Variants in GRIA1 observed in about 807,000 individuals in gnomAD.
GRIA1 encodes glutamate ionotropic receptor AMPA type subunit 1, also known as glutamate receptor 1.
Under a neutral mutation model 99.2 loss-of-function variants are expected in GRIA1, and 31 were observed. That is an observed-to-expected ratio of 0.31 (90% confidence interval 0.23 to 0.42). The LOEUF (loss-of-function observed/expected upper bound fraction) is 0.42. GRIA1 is among the 10% of genes least tolerant of loss of function. The pLI is 1.00. For synonymous variants in GRIA1, 438 were observed against 432.4 expected, an observed-to-expected ratio of 1.01 and a Z score of -0.16; for missense variants, 782 against 1,157.5, an observed-to-expected ratio of 0.68 and a Z score of 4.71.
chr5:153,723,680 A>G (rs1354732134), intron 11 of GRIA1, among the ~76,000 whole-genome samples: 2 of 152,152 alleles, frequency 1.3e-5, no homozygotes, highest in Non-Finnish European at 2.9e-5. Context: ...AGGCGGCAGC[A>G]AGGCTGGGGG....
chr5:153,576,351 A>G (rs573789818), intron 2 of GRIA1, among the ~76,000 whole-genome samples: 1 of 152,314 alleles, frequency 6.6e-6, no homozygotes, highest in African/African-American at 2.4e-5. Flanking sequence ...GAAGAATAGG[A>G]TGTATTTTGA....
intron 2 of GRIA1, among the ~76,000 whole-genome samples, chr5:153,619,419 T>C (rs1324516225): frequency 2.6e-5 from 4 of 152,130 alleles, no homozygotes; most frequent in Non-Finnish European, 5.9e-5. Flanking sequence ...GGGCATTTTC[T>C]CTGGGGAAAG....
At chr5:153,622,591 C>A (rs1767161411) in intron 2 of GRIA1, among the ~76,000 whole-genome samples, 1 of 152,148 alleles carries the variant, frequency 6.6e-6, no homozygotes, top group Non-Finnish European at 1.5e-5. Context: ...TAAACCACGC[C>A]TATGTGAAAG....
At chr5:153,708,692 C>G (rs188379816) in intron 11 of GRIA1, among the ~76,000 whole-genome samples, 10 of 152,106 alleles carry the variant, frequency 6.6e-5, no homozygotes, top group Non-Finnish European at 1.3e-4. Flanking sequence ...CTGGAAGAAA[C>G]GATGCCACTG....
chr5:153,507,370 G>A (rs1474541879), intron 2 of GRIA1, among the ~76,000 whole-genome samples: 2 of 151,820 alleles, frequency 1.3e-5, no homozygotes, highest in Non-Finnish European at 2.9e-5. Flanking sequence ...CCACCACAGG[G>A]GTCCTCTCTC....
rs1754997909 is a variant in GRIA1, at chr5:153,501,397, G to GAATA, written c.220+7333_220+7336dup. ...AAGGAACCAGCTCGTGCAGGAGGAT[G>GAATA]AATAGGTGCTTGAGCTGAGGACTGA... On this transcript the variant is annotated intron_variant, in intron 2 of 15. Transcript: ENST00000285900. Among the ~76,000 whole-genome samples the GAATA allele has an allele frequency of 2.6e-5, 4 of 152,274 alleles. No homozygotes were observed. The South Asian group carries it at 8.3e-4, about 32-fold the overall frequency.
intron 2 of GRIA1, among the ~76,000 whole-genome samples, chr5:153,542,472 G>A (rs1337623643): frequency 4.6e-5 from 7 of 152,206 alleles, no homozygotes; most frequent in Admixed American, 3.9e-4. Flanking sequence ...GACATCCCAT[G>A]AGAATGGCTT....
intron 2 of GRIA1, among the ~76,000 whole-genome samples, chr5:153,564,869 G>C (rs906378681): frequency 6.6e-6 from 1 of 152,154 alleles, no homozygotes; most frequent in Admixed American, 6.6e-5. Flanking sequence ...GTATGGGAAT[G>C]AATATGTCAG....
Position 153,802,482 on chromosome 5 carries a change from C to T in GRIA1, c.2512C>T (p.Arg838Trp), listed in dbSNP as rs1454390322. Residue 838 changes from arginine (R) to tryptophan (W), a missense_variant, in exon 15 of 16, where the codon CGG becomes TGG. Coordinates refer to ENST00000285900, the MANE Select transcript of GRIA1 (RefSeq NM_000827.4). Reference protein sequence around the residue: ...FCYKSRSESKRMKGFCLIPQQ... With the variant: ...FCYKSRSESKWMKGFCLIPQQ... ...CTACAAATCCCGTAGTGAATCCAAGCGGATGAAGGTGGCATCGTCTTCCCG... is the reference window on the plus strand; with the variant it reads ...CTACAAATCCCGTAGTGAATCCAAGTGGATGAAGGTGGCATCGTCTTCCCG... 5.0e-6 allele frequency: 8 copies of T among 1,613,868 alleles called. No individual in the cohort carries two copies. The highest frequency in any genetic ancestry group is 1.7e-5 in the Admixed American group (1 of 59,996).
chr5:153,780,099 G>A (rs1039038014), intron 13 of GRIA1, among the ~76,000 whole-genome samples: 3 of 152,188 alleles, frequency 2.0e-5, no homozygotes, highest in African/African-American at 7.2e-5. Context: ...TCTTTTAAGA[G>A]GCTGTCTTGG....
At chr5:153,521,233 A>G (rs1757116682) in intron 2 of GRIA1, among the ~76,000 whole-genome samples, 1 of 152,338 alleles carries the variant, frequency 6.6e-6, no homozygotes, top group Middle Eastern at 3.4e-3. Flanking sequence ...CAGACCCTGG[A>G]CAGTGGACCA....
chr5:153,522,979 G>A (rs1757282942), intron 2 of GRIA1, among the ~76,000 whole-genome samples: 1 of 150,648 alleles, frequency 6.6e-6, no homozygotes, highest in Non-Finnish European at 1.5e-5. Flanking sequence ...CAGCTCTCCT[G>A]TATAAATATC....
chr5:153,662,347 C>G (rs1755432476), intron 5 of GRIA1, among the ~76,000 whole-genome samples: 3 of 152,200 alleles, frequency 2.0e-5, no homozygotes, highest in African/African-American at 7.2e-5. Context: ...AGCAACCTGA[C>G]CTTTTCTTCC....
Position 153,794,521 on chromosome 5 carries a change from G to A in GRIA1, c.2271-100G>A, listed in dbSNP as rs1027654934. 4.1e-5 allele frequency: 33 copies of A among 796,042 alleles called. 2 individuals are homozygous for A. Among genetic ancestry groups the A allele is most frequent in the Non-Finnish European group, 2.2e-5 (10 of 455,744 alleles). 49.3% of individuals were successfully genotyped at this position (796,042 alleles called of 1,614,324 possible). A position where few individuals can be genotyped will look rare whatever the true frequency, so the allele number is the denominator to read the frequency against. ...CCTCAGGTCAAAGGGCAACCTGGCAGGCTGGGTAATGGAGCTGATTCACCG... is the reference window on the plus strand; with the variant it reads ...CCTCAGGTCAAAGGGCAACCTGGCAAGCTGGGTAATGGAGCTGATTCACCG... On this transcript the variant is annotated intron_variant, in intron 13 of 15. Transcript: ENST00000285900.
intron 2 of GRIA1, among the ~76,000 whole-genome samples, chr5:153,582,464 A>C (rs1763125718): frequency 6.6e-6 from 1 of 152,260 alleles, no homozygotes; most frequent in East Asian, 1.9e-4. Context: ...CCTTTTAATT[A>C]GCTTAGTTTG....
chr5:153,620,680 T>C (rs1245776749), intron 2 of GRIA1, among the ~76,000 whole-genome samples: 1 of 152,160 alleles, frequency 6.6e-6, no homozygotes, highest in Non-Finnish European at 1.5e-5. Context: ...GGTTTTAAAA[T>C]ACTATTTCAT....
At chr5:153,615,317 C>A (rs1766388143) in intron 2 of GRIA1, among the ~76,000 whole-genome samples, 1 of 152,118 alleles carries the variant, frequency 6.6e-6, no homozygotes, top group Admixed American at 6.5e-5. Flanking sequence ...GCTCATAATC[C>A]AGGTAGACCC....
At chr5:153,598,955 C>T (rs1021659668) in intron 2 of GRIA1, among the ~76,000 whole-genome samples, 7 of 152,182 alleles carry the variant, frequency 4.6e-5, no homozygotes, top group Non-Finnish European at 1.0e-4. Flanking sequence ...AATCTCGGCT[C>T]ACCGCAAGCT....
chr5:153,724,649 G>A (rs1325750223), intron 11 of GRIA1, among the ~76,000 whole-genome samples: 3 of 152,182 alleles, frequency 2.0e-5, no homozygotes, highest in Non-Finnish European at 2.9e-5. Context: ...GGGTATCAGT[G>A]ATGGAAGATG....
Sources: allele counts gnomAD v4.1 joint callset (sites outside exome capture counted in the v4.1 genomes callset), GRCh38; gene constraint gnomAD v4.1.1; transcripts MANE v1.5; gene names NCBI Gene and HGNC (gene_info 2026-07-23, HGNC 2026-07-21).